The following STK39 variants were observed in gnomAD, a reference collection of about 807,000 sequenced individuals.
STK39 encodes the protein STE20/SPS1-related proline-alanine-rich protein kinase.
STK39 carries 20 observed loss-of-function variants against 77.8 expected under a neutral mutation model. That is an observed-to-expected ratio of 0.26 (90% CI 0.18 to 0.37). The LOEUF (loss-of-function observed/expected upper bound fraction) is 0.37. Among genes scored for constraint, STK39 ranks in the 10% least tolerant of loss-of-function variants. The pLI is 1.00. For synonymous variants in STK39, 246 were observed against 234.1 expected, an observed-to-expected ratio of 1.05 and a Z score of -0.47; for missense variants, 479 against 656.5, an observed-to-expected ratio of 0.73 and a Z score of 2.95.
At chr2:168,103,960 A>C (rs182386502) in intron 10 of STK39, among the ~76,000 whole-genome samples, 2 of 152,348 alleles carry the variant, frequency 1.3e-5, no homozygotes, top group Admixed American at 1.3e-4. Flanking sequence ...TCAGTTCAGC[A>C]CTGGTTGAAC....
At chr2:168,131,175 T>G (rs1286438124) in intron 8 of STK39, among the ~76,000 whole-genome samples, 2 of 152,218 alleles carry the variant, frequency 1.3e-5, no homozygotes, top group African/African-American at 2.4e-5. Flanking sequence ...AAATAAAACA[T>G]AGATATCACA....
At chr2:168,087,860 C>T (rs1382133445) in intron 10 of STK39, among the ~76,000 whole-genome samples, 1 of 151,954 alleles carries the variant, frequency 6.6e-6, no homozygotes, top group African/African-American at 2.4e-5. Flanking sequence ...ACTGAAAGGA[C>T]AAAAAATGAA....
intron 14 of STK39, among the ~76,000 whole-genome samples, chr2:168,034,817 G>A (rs181654578): frequency 1.3e-3 from 199 of 152,224 alleles, no homozygotes; most frequent in African/African-American, 4.2e-3. Flanking sequence ...AACGAGCAGC[G>A]GGTGCCATGC....
intron 16 of STK39, among the ~76,000 whole-genome samples, chr2:167,990,251 AG>A (rs1209113811): frequency 6.6e-6 from 1 of 152,152 alleles, no homozygotes; most frequent in African/African-American, 2.4e-5. Context: ...AGACAAATGA[AG>A]GGCGCTGTTC....
chr2:168,079,518 AC>A (rs1269239713), intron 10 of STK39, among the ~76,000 whole-genome samples: 1 of 152,212 alleles, frequency 6.6e-6, no homozygotes, highest in African/African-American at 2.4e-5. Flanking sequence ...GCCTGGTGCC[AC>A]TACAGATGGC....
At chr2:167,976,102 C>G (rs1326272319) in intron 16 of STK39, among the ~76,000 whole-genome samples, 1 of 152,168 alleles carries the variant, frequency 6.6e-6, no homozygotes, top group African/African-American at 2.4e-5. Context: ...CCTCGGAAAC[C>G]CTAAGACTCT....
At chr2:168,165,923 A>G (rs1323953528) in intron 3 of STK39, among the ~76,000 whole-genome samples, 1 of 152,214 alleles carries the variant, frequency 6.6e-6, no homozygotes, top group East Asian at 1.9e-4. Flanking sequence ...ACCATACTTC[A>G]TGTCTCAGAA....
rs138301334 is a variant in STK39, at chr2:168,075,486, C to G, written c.1090-255G>C. ...TGAAGAACAAAATATTTTGGAAGAA[C>G]ATTGCACATATAAGCAATTAAGGAT... On this transcript the variant is annotated intron_variant, in intron 10 of 17. Transcript: ENST00000355999. Among the ~76,000 whole-genome samples, 168 of 152,142 alleles carry G rather than the reference C, an allele frequency of 1.1e-3. 1 individual carries two copies. The highest frequency in any genetic ancestry group is 3.9e-3 in the African/African-American group (162 of 41,510).
At chr2:168,204,095 C>T (rs1689680678) in intron 1 of STK39, among the ~76,000 whole-genome samples, 1 of 152,170 alleles carries the variant, frequency 6.6e-6, no homozygotes, top group African/African-American at 2.4e-5. Context: ...TGAAAGGCAC[C>T]AGGTGCTAGC....
At chr2:167,971,783 C>T (rs887969759) in intron 16 of STK39, among the ~76,000 whole-genome samples, 6 of 152,330 alleles carry the variant, frequency 3.9e-5, no homozygotes, top group Non-Finnish European at 2.9e-5. Flanking sequence ...TAATGGGGTA[C>T]ATTTTACCTG....
chr2:168,090,437 T>C (rs758672842), intron 10 of STK39, among the ~76,000 whole-genome samples: 1 of 152,206 alleles, frequency 6.6e-6, no homozygotes, highest in Non-Finnish European at 1.5e-5. Context: ...AGTGACATTG[T>C]ATCCTAGAAC....
chr2:168,095,590 C>T (rs748717939), intron 10 of STK39, among the ~76,000 whole-genome samples: 54 of 150,060 alleles, frequency 3.6e-4, no homozygotes, highest in Admixed American at 1.1e-3. Context: ...CAAAAGCCTG[C>T]GCTGAATCTG....
intron 1 of STK39, among the ~76,000 whole-genome samples, chr2:168,193,348 T>A (rs1689387030): frequency 6.6e-6 from 1 of 152,036 alleles, no homozygotes; most frequent in Non-Finnish European, 1.5e-5. Flanking sequence ...CATGATGCCA[T>A]AGTCTGAAAT....
intron 14 of STK39, among the ~76,000 whole-genome samples, chr2:168,061,811 T>C (rs562287392): frequency 6.6e-6 from 1 of 152,326 alleles, no homozygotes; most frequent in Non-Finnish European, 1.5e-5. Context: ...GGAACACATT[T>C]GTCATATTGC....
At chr2:168,071,592 C>G (rs1479532249) in intron 12 of STK39, among the ~76,000 whole-genome samples, 1 of 152,056 alleles carries the variant, frequency 6.6e-6, no homozygotes, top group Non-Finnish European at 1.5e-5. Context: ...TACAAAAATT[C>G]AAAATCAGGC....
intron 16 of STK39, among the ~76,000 whole-genome samples, chr2:167,978,717 T>C (rs1003528614): frequency 6.6e-6 from 1 of 152,170 alleles, no homozygotes; most frequent in African/African-American, 2.4e-5. Flanking sequence ...ATCAAGATAA[T>C]GAATATGTCC....
At chr2:168,187,518 A>G (rs548001622) in intron 1 of STK39, among the ~76,000 whole-genome samples, 106 of 152,236 alleles carry the variant, frequency 7.0e-4, no homozygotes, top group African/African-American at 2.5e-3. Flanking sequence ...TCACTCATAG[A>G]GTGGTTGTGA....
intron 16 of STK39, among the ~76,000 whole-genome samples, chr2:168,001,283 AAAC>A (rs1179354572): frequency 3.3e-5 from 5 of 151,970 alleles, no homozygotes; most frequent in Middle Eastern, 3.4e-3. Context: ...AAAAAAAAAA[AAAC>A]AACAACAAAG....
chr2:167,967,702 C>T (rs1258213767), intron 16 of STK39, among the ~76,000 whole-genome samples: 4 of 152,080 alleles, frequency 2.6e-5, no homozygotes, highest in East Asian at 1.9e-4. Flanking sequence ...GCAGCGGAGC[C>T]GACACTTTTT....
Sources: gnomAD v4.1 joint callset for allele counts (sites outside exome capture counted in the v4.1 genomes callset) on GRCh38, gnomAD v4.1.1 for gene constraint, MANE v1.5 for transcripts, NCBI Gene and HGNC (gene_info 2026-07-23, HGNC 2026-07-21) for gene names.